ENTPD1: variants seen among roughly 807,000 people sequenced by gnomAD.
ENTPD1 encodes the protein ATP diphosphohydrolase.
ENTPD1 carries 33 observed loss-of-function variants against 57.0 expected under a neutral mutation model. That is an observed-to-expected ratio of 0.58 (90% confidence interval 0.44 to 0.77). The LOEUF (loss-of-function observed/expected upper bound fraction) is 0.77, where lower values mean the gene tolerates loss of function less well. ENTPD1 is among the 30% of genes least tolerant of loss of function. The probability of loss-of-function intolerance (pLI) is 0.00; values close to 1 mark genes in which losing one functional copy is unlikely to be tolerated. For missense variants in ENTPD1, 501 were observed against 603.4 expected (o/e 0.83, Z 1.78); for synonymous variants, 202 against 218.8 (o/e 0.92, Z 0.68).
intron 1 of ENTPD1, among the ~76,000 whole-genome samples, chr10:95,811,678 C>G (rs1326737781): frequency 6.6e-6 from 1 of 152,198 alleles, no homozygotes; most frequent in Admixed American, 6.5e-5. Flanking sequence ...CCCACCACGC[C>G]TGGCCCCACA....
chr10:95,844,767 G>A, intron 5 of ENTPD1, 132 bp downstream of exon 5: 1 of 1,163,800 alleles, frequency 8.6e-7, no homozygotes, highest in Non-Finnish European at 1.3e-6. Context: ...ATGACTGGAT[G>A]AATGAATTTA....
chr10:95,741,993 C>T (rs1048295751), intron 1 of ENTPD1, among the ~76,000 whole-genome samples: 1 of 152,122 alleles, frequency 6.6e-6, no homozygotes, highest in Admixed American at 6.5e-5. Flanking sequence ...AAGGCGGAGG[C>T]GTTAACAGCA....
chr10:95,804,315 A>G (rs1464711382), intron 1 of ENTPD1, among the ~76,000 whole-genome samples: 2 of 152,232 alleles, frequency 1.3e-5, no homozygotes, highest in Non-Finnish European at 2.9e-5. Context: ...CTTCCTATCC[A>G]TGAGCATGGA....
At chr10:95,839,134 TTCAATGGAGTAAC>T (rs1259800613) in intron 2 of ENTPD1, among the ~76,000 whole-genome samples, 3 of 152,240 alleles carry the variant, frequency 2.0e-5, no homozygotes, top group Admixed American at 2.0e-4. Context: ...CTTACTGGCA[TTCAATGGAGTAAC>T]TCAGTGGTTC....
chr10:95,782,768 CTTTT>C (rs1276606434), intron 1 of ENTPD1, among the ~76,000 whole-genome samples: 6 of 152,106 alleles, frequency 3.9e-5, no homozygotes, highest in African/African-American at 1.4e-4. Context: ...TTTTTCTATT[CTTTT>C]ATCTATTTTT....
At chr10:95,808,246 C>T (rs750219427) in intron 1 of ENTPD1, among the ~76,000 whole-genome samples, 2 of 152,166 alleles carry the variant, frequency 1.3e-5, no homozygotes, top group Non-Finnish European at 2.9e-5. Context: ...GTTGAACCAA[C>T]CTTACATCGC....
chr10:95,726,975 G>T (rs898354936), intron 1 of ENTPD1, among the ~76,000 whole-genome samples: 1 of 152,130 alleles, frequency 6.6e-6, no homozygotes, highest in Admixed American at 6.6e-5. Flanking sequence ...CTTCAGTTTA[G>T]AATTTAAAAT....
chr10:95,844,614 T>C lies in ENTPD1; in HGVS notation c.552T>C (p.Tyr184=), dbSNP rs1362864359. The C allele has an allele frequency of 6.2e-7, 1 of 1,614,038 alleles. No homozygotes were observed. Among genetic ancestry groups the C allele is most frequent in the Non-Finnish European group, 8.5e-7 (1 of 1,180,018 alleles). The change falls in exon 5 of 10, where the codon TAT becomes TAC. Residue 184 remains tyrosine, a synonymous_variant. Coordinates refer to ENST00000371205, the MANE Select transcript of ENTPD1 (RefSeq NM_001776.6). ...EGAYGWITIN[Y]LLGKFSQKTR... ...CCTATGGCTGGATTACTATCAACTA[T>C]CTGCTGGGCAAATTCAGTCAGGTGA... is the stretch of plus-strand genomic sequence containing the variant.
In ENTPD1 at chr10:95,866,376, T is replaced by C. The variant is rs2098474529; in HGVS notation, c.1526T>C (p.Met509Thr). The change falls in exon 10 of 10, where the codon ATG becomes ACG. Residue 509 changes from methionine to threonine, a missense_variant. Physicochemically the swap from Met to Thr is moderately conservative, Grantham distance 81. Coordinates refer to ENST00000371205, the MANE Select transcript of ENTPD1 (RefSeq NM_001776.6). ...AAGCCTTCATATTTCTGGAAAGATA[T>C]GGTATAGCAAAAGCAGCTGAAATAT... ...FHKPSYFWKD[M>T]V 6.2e-7 allele frequency: 1 copy of C among 1,614,080 alleles called. No individual in the cohort carries two copies. The highest frequency in any genetic ancestry group is 8.5e-7 in the Non-Finnish European group (1 of 1,180,026).
chr10:95,805,790 CT>C (rs2140377408), intron 1 of ENTPD1, among the ~76,000 whole-genome samples: 1 of 152,280 alleles, frequency 6.6e-6, no homozygotes, highest in South Asian at 2.1e-4. Context: ...GTCGAAAATT[CT>C]TTTCTTTAAG....
chr10:95,847,750 G>A, intron 7 of ENTPD1, 44 bp downstream of exon 7: 1 of 1,613,082 alleles, frequency 6.2e-7, no homozygotes, highest in Non-Finnish European at 8.5e-7. Flanking sequence ...TTGTTTACAA[G>A]TTATAGAATA....
intron 1 of ENTPD1, among the ~76,000 whole-genome samples, chr10:95,798,872 C>A (rs1050490436): frequency 2.8e-4 from 43 of 152,256 alleles, no homozygotes; most frequent in African/African-American, 8.7e-4. Context: ...ATTGGCCTTC[C>A]TTCTGTGGCT....
At chr10:95,702,277 G>A in the ENTPD1 span, among the ~76,000 whole-genome samples, 1 of 152,090 alleles carries the variant, frequency 6.6e-6, no homozygotes, top group African/African-American at 2.4e-5. Context: ...TGACAAGATG[G>A]AGAATTTCAC....
Position 95,865,306 on chromosome 10 carries a change from G to C in ENTPD1, c.1326+445G>C, listed in dbSNP as rs540957716. On this transcript the variant is annotated intron_variant, in intron 9 of 9. Coordinates refer to ENST00000371205, the MANE Select transcript of ENTPD1 (RefSeq NM_001776.6). Reference sequence around the variant, plus strand: ...ATCTGAAAGCTCTGTGTGAAGAAGGGGACTGAGTGGCTGTGAATGATGAGA... The same window carrying C: ...ATCTGAAAGCTCTGTGTGAAGAAGGCGACTGAGTGGCTGTGAATGATGAGA... Among the ~76,000 whole-genome samples, 3 of 152,292 alleles carry C rather than the reference G, an allele frequency of 2.0e-5. 1 individual carries two copies. The highest frequency in any genetic ancestry group is 4.8e-5 in the African/African-American group (2 of 41,560).
intron 3 of ENTPD1, among the ~76,000 whole-genome samples, chr10:95,841,527 C>CA (rs1315638983): frequency 3.9e-5 from 6 of 152,276 alleles, no homozygotes; most frequent in East Asian, 3.9e-4. Context: ...TGAATCAAAA[C>CA]AATTAGCTGG....
rs774490910 is a variant in ENTPD1, at chr10:95,873,614, G to T, written c.*7231G>T. On this transcript the variant is annotated 3_prime_UTR_variant, in exon 10 of 10. Coordinates refer to ENST00000371205, the MANE Select transcript of ENTPD1 (RefSeq NM_001776.6). ...CTGGTTTCTTATTACTCCTGTCTAT[G>T]GATGTTTCCTTCTGTCACTCTACTA... 89 of 985,278 alleles carry T rather than the reference G, an allele frequency of 9.0e-5. No homozygotes were observed. The highest frequency in any genetic ancestry group is 1.0e-4 in the Non-Finnish European group (87 of 829,944). The allele number at this position is 985,278 out of a possible 1,614,324, so 61.0% of individuals were successfully genotyped here.
rs542198491 is a variant in ENTPD1, at chr10:95,768,618, A to G, written c.16+12363A>G. On this transcript the variant is annotated intron_variant, in intron 1 of 9. Coordinates refer to ENST00000371205, the MANE Select transcript of ENTPD1 (RefSeq NM_001776.6). ...GAATTTCCTCTATATCACTGATTCA[A>G]TTTTCCTTAACTATCTCCCATATAA... Among the ~76,000 whole-genome samples, 7 of 150,348 alleles carry G rather than the reference A, an allele frequency of 4.7e-5. No homozygotes were observed. The East Asian group carries it at 5.9e-4, about 13-fold the overall frequency.
intron 2 of ENTPD1, among the ~76,000 whole-genome samples, chr10:95,836,802 G>A (rs1279600059): frequency 6.6e-6 from 1 of 152,200 alleles, no homozygotes; most frequent in African/African-American, 2.4e-5. Flanking sequence ...TGGTGTGGTG[G>A]AAAGAGAACA....
the ENTPD1 span, among the ~76,000 whole-genome samples, chr10:95,701,804 G>T: frequency 6.6e-6 from 1 of 151,808 alleles, no homozygotes; most frequent in East Asian, 1.9e-4. Context: ...TGGAAATTAA[G>T]GGAAAAAATC....
Sources: allele counts gnomAD v4.1 joint callset (sites outside exome capture counted in the v4.1 genomes callset), GRCh38; gene constraint gnomAD v4.1.1; transcripts MANE v1.5; gene names NCBI Gene and HGNC (gene_info 2026-07-23, HGNC 2026-07-21).